Variants in MYO5B observed in about 807,000 individuals in gnomAD.
MYO5B encodes unconventional myosin-Vb.
A neutral mutation model predicts 229.3 loss-of-function variants in MYO5B; 143 were observed. That is an observed-to-expected ratio of 0.62 (90% confidence interval 0.54 to 0.72). The LOEUF (loss-of-function observed/expected upper bound fraction) is 0.72. MYO5B is among the 30% of genes least tolerant of loss of function. The probability of loss-of-function intolerance (pLI) is 0.00; values close to 1 mark genes in which losing one functional copy is unlikely to be tolerated. For synonymous variants in MYO5B, 918 were observed against 885.2 expected (o/e 1.04, Z -0.66); for missense variants, 2,321 against 2,331.0 (o/e 1.00, Z 0.09).
chr18:50,186,954 TCATTA>T (rs769301264), intron 1 of MYO5B, among the ~76,000 whole-genome samples: 6 of 152,180 alleles, frequency 3.9e-5, no homozygotes, highest in Admixed American at 2.6e-4. Context: ...CTGCATTTCT[TCATTA>T]AAGAAAAGCA....
At chr18:49,952,430 G>A (rs1239630827) in intron 14 of MYO5B, among the ~76,000 whole-genome samples, 3 of 149,336 alleles carry the variant, frequency 2.0e-5, no homozygotes, top group Non-Finnish European at 4.4e-5. Flanking sequence ...CAGTGCACAC[G>A]CTTCCCCTGA....
intron 4 of MYO5B, among the ~76,000 whole-genome samples, chr18:50,018,175 C>G (rs2026236291): frequency 6.6e-6 from 1 of 152,168 alleles, no homozygotes; most frequent in Non-Finnish European, 1.5e-5. Context: ...GCCTAGCACT[C>G]CTGGCTTCAA....
chr18:49,856,234 T>C (rs938906111), intron 30 of MYO5B, among the ~76,000 whole-genome samples: 28 of 152,130 alleles, frequency 1.8e-4, no homozygotes, highest in Non-Finnish European at 4.0e-4. Context: ...GGCTTCAGTG[T>C]CCCCACCCCA....
intron 1 of MYO5B, 115 bp downstream of exon 1, chr18:50,194,652 G>A (rs1019154951): frequency 6.2e-5 from 43 of 693,270 alleles, no homozygotes; most frequent in Admixed American, 5.2e-5. Flanking sequence ...CCGCGGAGGG[G>A]GGTCTCCCGT....
intron 27 of MYO5B, among the ~76,000 whole-genome samples, chr18:49,869,197 G>A (rs1477446226): frequency 2.0e-5 from 3 of 152,164 alleles, no homozygotes; most frequent in East Asian, 1.9e-4. Flanking sequence ...GAGCATTCAG[G>A]AGGGATGTGC....
chr18:49,992,583 A>C, intron 5 of MYO5B, 152 bp from the exon 6 acceptor site: 1 of 1,172,032 alleles, frequency 8.5e-7, no homozygotes, highest in Non-Finnish European at 1.2e-6. Flanking sequence ...CTAAAGAATA[A>C]AACAAAAACT....
chr18:49,863,962 G>A (rs1339225871), intron 28 of MYO5B, among the ~76,000 whole-genome samples, 179 bp downstream of exon 28: 1 of 152,194 alleles, frequency 6.6e-6, no homozygotes, highest in Non-Finnish European at 1.5e-5. Flanking sequence ...ATCCCCCAGG[G>A]AAGGTCATGC....
intron 4 of MYO5B, among the ~76,000 whole-genome samples, chr18:50,017,326 T>C (rs1325335931): frequency 1.3e-5 from 2 of 152,094 alleles, no homozygotes; most frequent in Non-Finnish European, 2.9e-5. Context: ...GGTTTCACCA[T>C]GTTAGCCAGG....
In MYO5B at chr18:49,837,817, C is replaced by T. The variant is rs886053874; in HGVS notation, c.4853-15G>A. 6.2e-7 allele frequency: 1 copy of T among 1,613,744 alleles called. No homozygotes were observed. The stretch of plus-strand genomic sequence containing the variant: ...CATGGCAGAAACTGAAATAAAAGCA[C>T]AGTTAGAGAAGCTTGCATTCCCCAC... On this transcript the variant is annotated splice_polypyrimidine_tract_variant and intron_variant, in intron 36 of 39. Transcript: ENST00000285039.
rs371465926 is a variant in MYO5B at position 50,124,582 on chromosome 18, T to C, written c.28-69204A>G. Among the ~76,000 whole-genome samples, 7 of 152,284 alleles carry C rather than the reference T, an allele frequency of 4.6e-5. No homozygotes were observed. The East Asian group carries it at 5.8e-4, about 13-fold the overall frequency. On this transcript the variant is annotated intron_variant, in intron 1 of 39. Coordinates refer to ENST00000285039, the MANE Select transcript of MYO5B (RefSeq NM_001080467.3). ...AAAACTTTTGAAGAATAATACCCTG[T>C]AACTAGAAAATGCTTTGGAACCAGA...
intron 1 of MYO5B, among the ~76,000 whole-genome samples, chr18:50,167,286 C>G (rs1051702785): frequency 1.3e-5 from 2 of 152,214 alleles, no homozygotes; most frequent in South Asian, 2.1e-4. Context: ...ATGTATGAAG[C>G]AATGTGCTGG....
chr18:50,001,357 C>T lies in MYO5B; in HGVS notation c.510G>A (p.Thr170=), dbSNP rs199862025. The change falls in exon 5 of 40, where the codon ACG becomes ACA. Residue 170 remains threonine (T), a synonymous_variant. Coordinates refer to ENST00000285039, the MANE Select transcript of MYO5B (RefSeq NM_001080467.3). The part of the protein sequence containing the change: ...IVSGESGAGK[T]VSAKYAMRYF... The stretch of plus-strand genomic sequence containing the variant: ...AGCGCATGGCATACTTGGCTGATAC[C>T]GTCTTCCCGGCTCCAGACTCCCCAC... The T allele has an allele frequency of 5.9e-5, 95 of 1,614,156 alleles. No individual in the cohort carries two copies. Among genetic ancestry groups the T allele is most frequent in the African/African-American group, 8.0e-5 (6 of 75,052 alleles).
intron 17 of MYO5B, among the ~76,000 whole-genome samples, chr18:49,926,685 A>T (rs1216199255): frequency 6.6e-6 from 1 of 152,252 alleles, no homozygotes. Context: ...CTTATCCGCA[A>T]GGCAAATCAG....
At chr18:50,126,156 G>A (rs1223004722) in intron 1 of MYO5B, among the ~76,000 whole-genome samples, 1 of 152,184 alleles carries the variant, frequency 6.6e-6, no homozygotes, top group Admixed American at 6.5e-5. Flanking sequence ...AAATTGTTAT[G>A]TGTATTTTAC....
intron 1 of MYO5B, among the ~76,000 whole-genome samples, chr18:50,154,994 C>T (rs949972677): frequency 2.6e-5 from 4 of 152,194 alleles, no homozygotes; most frequent in Non-Finnish European, 5.9e-5. Context: ...ACTAAAAAGG[C>T]CTGCTTTAGA....
intron 1 of MYO5B, among the ~76,000 whole-genome samples, chr18:50,070,039 T>TG (rs1491249407): frequency 4.6e-5 from 6 of 129,650 alleles, no homozygotes; most frequent in Non-Finnish European, 1.0e-4. Context: ...TTTTTTTTTT[T>TG]GAGACAGGGT....
chr18:49,974,220 G>T, intron 10 of MYO5B, 130 bp downstream of exon 10: 3 of 1,334,836 alleles, frequency 2.2e-6, no homozygotes, highest in South Asian at 1.2e-5. Context: ...ACTAAAAATG[G>T]CCCCACACAT....
Position 50,165,935 on chromosome 18 carries a change from G to C in MYO5B, c.27+28832C>G, listed in dbSNP as rs2032844990. Among the ~76,000 whole-genome samples, 10 of 152,332 alleles carry C rather than the reference G, an allele frequency of 6.6e-5. No homozygotes were observed. The South Asian group carries it at 2.1e-3, about 32-fold the overall frequency. ...AAGATTTGTGTCAAAAAAGGTATTA[G>C]AGAGTTCTAGTTACAAGGCTGTTAG... On this transcript the variant is annotated intron_variant, in intron 1 of 39. Transcript: ENST00000285039.
chr18:49,904,208 G>A (rs1392875801), intron 20 of MYO5B, among the ~76,000 whole-genome samples: 1 of 152,192 alleles, frequency 6.6e-6, no homozygotes, highest in African/African-American at 2.4e-5. Context: ...GATCCCTCAT[G>A]AACAAATAAA....
Sources: gnomAD v4.1 joint callset for allele counts (sites outside exome capture counted in the v4.1 genomes callset) on GRCh38, gnomAD v4.1.1 for gene constraint, MANE v1.5 for transcripts, NCBI Gene and HGNC (gene_info 2026-07-23, HGNC 2026-07-21) for gene names.